IL1RAPL2: variants seen among roughly 807,000 people sequenced by gnomAD.
IL1RAPL2 encodes X-linked interleukin-1 receptor accessory protein-like 2.
A neutral mutation model predicts 44.1 loss-of-function variants in IL1RAPL2; 3 were observed. The ratio of observed to expected loss-of-function variants is 0.07; its 90% CI spans 0.03 to 0.18. The LOEUF (loss-of-function observed/expected upper bound fraction) is 0.18. IL1RAPL2 is among the 10% of genes least tolerant of loss of function. The pLI is 1.00. For missense variants in IL1RAPL2, 391 were observed against 496.4 expected, an observed-to-expected ratio of 0.79 and a Z score of 2.02; for synonymous variants, 181 against 178.8, an observed-to-expected ratio of 1.01 and a Z score of -0.10.
At chrX:104,762,085 C>T (rs1325167693) in intron 2 of IL1RAPL2, among the ~76,000 whole-genome samples, 1 of 108,290 alleles carries the variant, frequency 9.2e-6, no homozygotes, top group Non-Finnish European at 1.9e-5. Flanking sequence ...GCAACCTCTG[C>T]CTCCTGGGTT....
chrX:105,047,560 C>T (rs763361098), intron 2 of IL1RAPL2, among the ~76,000 whole-genome samples: 1 of 111,433 alleles, frequency 9.0e-6, no homozygotes, highest in South Asian at 3.8e-4. Context: ...GTTAATGATG[C>T]AGGATTCCTA....
chrX:105,354,389 A>T (rs1243349243), intron 5 of IL1RAPL2, among the ~76,000 whole-genome samples: 2 of 108,197 alleles, frequency 1.8e-5, no homozygotes, highest in African/African-American at 6.8e-5. Context: ...ATTCTCAGCA[A>T]ACTATCCCAA....
At chrX:104,608,662 C>CTTTTTTTTTTTT (rs60105376) in intron 1 of IL1RAPL2, among the ~76,000 whole-genome samples, 2 of 58,527 alleles carry the variant, frequency 3.4e-5, no homozygotes, top group African/African-American at 1.7e-4. Flanking sequence ...GCAACCCCTG[C>CTTTTTTTTTTTT]TTTTTTTTTT....
intron 5 of IL1RAPL2, among the ~76,000 whole-genome samples, chrX:105,355,132 C>G (rs753760670): frequency 2.7e-4 from 30 of 111,722 alleles, no homozygotes; most frequent in African/African-American, 9.4e-4. Flanking sequence ...CTACCGGCCG[C>G]TTTTAGATCT....
chrX:104,824,815 A>C (rs981150577), intron 2 of IL1RAPL2, among the ~76,000 whole-genome samples: 22 of 110,803 alleles, frequency 2.0e-4, no homozygotes, highest in African/African-American at 5.9e-4. Flanking sequence ...CTATTTTGTT[A>C]ATATTTTCAC....
intron 2 of IL1RAPL2, among the ~76,000 whole-genome samples, chrX:105,088,649 C>A (rs1018336194): frequency 1.8e-5 from 2 of 111,303 alleles, no homozygotes; most frequent in African/African-American, 6.5e-5. Flanking sequence ...TCATACCACT[C>A]TACACATGAT....
chrX:104,620,060 G>A (rs1042754346), intron 1 of IL1RAPL2, among the ~76,000 whole-genome samples: 7 of 111,670 alleles, frequency 6.3e-5, no homozygotes, highest in Non-Finnish European at 1.1e-4. Flanking sequence ...CTTAAAAAGC[G>A]CAGTATGGCT....
chrX:104,823,995 G>T (rs5916833), intron 2 of IL1RAPL2, among the ~76,000 whole-genome samples: 40,195 of 110,550 alleles, frequency 0.36, 5,802 homozygotes, highest in East Asian at 0.46. Context: ...TCCAGTTTTT[G>T]CCCATTCAGT....
At chrX:105,551,287 C>CAAA (rs764140800) in intron 6 of IL1RAPL2, among the ~76,000 whole-genome samples, 1 of 81,813 alleles carries the variant, frequency 1.2e-5, no homozygotes. Context: ...TGCACTTTAC[C>CAAA]AAAAAAAAAA....
chrX:105,688,164 G>T (rs974361920), intron 6 of IL1RAPL2, among the ~76,000 whole-genome samples: 2 of 111,682 alleles, frequency 1.8e-5, no homozygotes, highest in African/African-American at 6.5e-5. Flanking sequence ...ACCGGCACAA[G>T]ACAAGGATGC....
intron 5 of IL1RAPL2, among the ~76,000 whole-genome samples, chrX:105,287,606 G>A (rs2034581127): frequency 1.8e-5 from 2 of 111,731 alleles, no homozygotes; most frequent in Non-Finnish European, 3.8e-5. Context: ...GGCTAGAGGT[G>A]ATAGTAACTT....
intron 2 of IL1RAPL2, among the ~76,000 whole-genome samples, chrX:104,891,169 G>C (rs1432821018): frequency 9.0e-6 from 1 of 111,320 alleles, no homozygotes; most frequent in South Asian, 3.8e-4. Flanking sequence ...TCTCTGTTTT[G>C]GTACCAGTAC....
intron 5 of IL1RAPL2, among the ~76,000 whole-genome samples, chrX:105,387,078 T>A (rs1179154581): frequency 9.0e-6 from 1 of 111,674 alleles, no homozygotes; most frequent in East Asian, 2.8e-4. Context: ...ACTGATATAA[T>A]GTTTACTTAA....
intron 5 of IL1RAPL2, among the ~76,000 whole-genome samples, chrX:105,363,115 A>G (rs758881487): frequency 9.4e-6 from 1 of 106,286 alleles, no homozygotes; most frequent in Non-Finnish European, 1.9e-5. Context: ...GGCATGCAGT[A>G]TTTGTCTTTT....
intron 2 of IL1RAPL2, among the ~76,000 whole-genome samples, chrX:105,169,385 C>T (rs192086952): frequency 1.2e-3 from 126 of 102,987 alleles, no homozygotes; most frequent in Middle Eastern, 9.9e-3. Flanking sequence ...GTACAAGACA[C>T]TCTAATTCAG....
At chrX:104,874,379 C>G (rs767475808) in intron 2 of IL1RAPL2, among the ~76,000 whole-genome samples, 16 of 103,876 alleles carry the variant, frequency 1.5e-4, no homozygotes, top group Non-Finnish European at 2.9e-4. Flanking sequence ...ACATGTTTTT[C>G]TTTCCTCACC....
intron 6 of IL1RAPL2, among the ~76,000 whole-genome samples, chrX:105,652,386 C>T (rs185802985): frequency 9.0e-6 from 1 of 111,675 alleles, no homozygotes; most frequent in Non-Finnish European, 1.9e-5. Flanking sequence ...CTGTTCCTGT[C>T]ATGTTATGCT....
chrX:105,128,473 G>A (rs1232020698), intron 2 of IL1RAPL2, among the ~76,000 whole-genome samples: 1 of 110,886 alleles, frequency 9.0e-6, no homozygotes, highest in Non-Finnish European at 1.9e-5. Context: ...ATTATGCTAT[G>A]TACACTTCTC....
chrX:105,389,286 G>T (rs2035503832), intron 5 of IL1RAPL2, among the ~76,000 whole-genome samples: 1 of 112,096 alleles, frequency 8.9e-6, no homozygotes, highest in Non-Finnish European at 1.9e-5. Flanking sequence ...CACTTAATTT[G>T]CCTGGTCTAC....
Sources: allele counts gnomAD v4.1 joint callset (sites outside exome capture counted in the v4.1 genomes callset), GRCh38; gene constraint gnomAD v4.1.1; transcripts MANE v1.5; gene names NCBI Gene and HGNC (gene_info 2026-07-23, HGNC 2026-07-21).